The following ESRRB variants were observed in gnomAD, a reference collection of about 807,000 sequenced individuals.
ESRRB encodes the protein estrogen related receptor beta.
Under a neutral mutation model 46.0 loss-of-function variants are expected in ESRRB, and 16 were observed. The observed-to-expected ratio is 0.35, with a 90% CI of 0.24 to 0.53. ESRRB has a LOEUF of 0.53. Ranked by LOEUF, ESRRB falls within the 20% of genes least tolerant of loss-of-function variation. The pLI, the probability that ESRRB is intolerant of heterozygous loss-of-function variation, is 0.93. For missense variants in ESRRB, 488 were observed against 607.4 expected (o/e 0.80, Z 2.07); for synonymous variants, 246 against 259.6 (o/e 0.95, Z 0.50).
At position 76,339,602 on chromosome 14, in the gene ESRRB, T is replaced by C. The variant is rs1189314321; in HGVS notation, c.2+28686T>C. On this transcript the variant is annotated intron_variant, in intron 1 of 6. Coordinates refer to the ESRRB transcript ENST00000512784. ...TACAGCTGTGTGGACATGTGCGTGC[T>C]CTGCAAGGAGCCCCAGAATCCCACA... is the stretch of plus-strand genomic sequence containing the variant. 1.3e-5 allele frequency among the ~76,000 whole-genome samples: 2 copies of C among 152,152 alleles called. 1 individual carries two copies. The highest frequency in any genetic ancestry group is 2.9e-5 in the Non-Finnish European group (2 of 68,026).
chr14:76,312,998 C>T (rs1883756478), intron 1 of ESRRB, among the ~76,000 whole-genome samples: 1 of 152,192 alleles, frequency 6.6e-6, no homozygotes, highest in Non-Finnish European at 1.5e-5. Flanking sequence ...GAGAGAGTCC[C>T]GCATTCCTGA....
chr14:76,489,445 C>CCACACAGACACACACACA, intron 5 of ESRRB, among the ~76,000 whole-genome samples: 1 of 129,598 alleles, frequency 7.7e-6, no homozygotes, highest in Non-Finnish European at 1.6e-5. Context: ...ATCTGGACAA[C>CCACACAGACACACACACA]CACACACACA....
rs1457261577 is a variant in ESRRB, at chr14:76,349,301, G to C, written c.2+38385G>C. On this transcript the variant is annotated intron_variant, in intron 1 of 6. Transcript: ENST00000512784. ...CCTGGGCTCCAAAGGGTGCAAAGCG[G>C]GGATCACGAAAGGAGGCAACAAAGG... is the stretch of plus-strand genomic sequence containing the variant. Among the ~76,000 whole-genome samples, 3 of 152,302 alleles carry C rather than the reference G, an allele frequency of 2.0e-5. No homozygotes were observed. In the South Asian group the frequency reaches 6.2e-4, roughly 32 times the overall value.
chr14:76,401,719 G>A (rs1286489647), intron 1 of ESRRB, among the ~76,000 whole-genome samples: 2 of 152,180 alleles, frequency 1.3e-5, no homozygotes, highest in East Asian at 3.8e-4. Flanking sequence ...GCCTAGGGGT[G>A]TAGTAGGCTA....
intron 1 of ESRRB, among the ~76,000 whole-genome samples, chr14:76,333,157 A>T (rs868415711): frequency 0.024 from 271 of 11,108 alleles, 68 homozygotes; most frequent in African/African-American, 0.082. Context: ...TATTATATAT[A>T]ATATATATTA....
chr14:76,485,721 T>G (rs898622555), intron 5 of ESRRB, among the ~76,000 whole-genome samples: 1 of 151,624 alleles, frequency 6.6e-6, no homozygotes, highest in Non-Finnish European at 1.5e-5. Context: ...GGGCCCACCC[T>G]GGGGCCTGTG....
chr14:76,325,787 GGGGAGGTCA>G (rs1883922849), intron 1 of ESRRB, among the ~76,000 whole-genome samples: 1 of 152,214 alleles, frequency 6.6e-6, no homozygotes, highest in Admixed American at 6.5e-5. Flanking sequence ...GTGGCTGAAG[GGGGAGGTCA>G]GGGCCATGAG....
At chr14:76,395,455 C>A (rs149389287) in intron 1 of ESRRB, among the ~76,000 whole-genome samples, 2 of 152,090 alleles carry the variant, frequency 1.3e-5, no homozygotes, top group East Asian at 1.9e-4. Flanking sequence ...AATAGACAGC[C>A]CCTGTGTGGT....
At position 76,482,143 on chromosome 14, in the gene ESRRB, T is replaced by TG; in HGVS notation, c.688+17_688+18insG. 1 of 1,570,080 alleles carries TG rather than the reference T, an allele frequency of 6.4e-7. No homozygotes were observed. Among genetic ancestry groups the TG allele is most frequent in the Non-Finnish European group, 8.8e-7 (1 of 1,139,920 alleles). On this transcript the variant is annotated intron_variant, in intron 4 of 6. Transcript: ENST00000644823. The surrounding 1 kb of genome is among the most constrained non-coding windows in gnomAD (Gnocchi z 4.3). Reference sequence around the variant, plus strand: ...AAAAGCCATGTGAGTGTCAGGGCAGTCCCTGCCCCTTTTGCCAGCATCTGT... The same window carrying TG: ...AAAAGCCATGTGAGTGTCAGGGCAGTGCCCTGCCCCTTTTGCCAGCATCTGT...
Position 76,335,903 on chromosome 14 carries a change from T to A in ESRRB, c.2+24987T>A, listed in dbSNP as rs1304253271. On this transcript the variant is annotated intron_variant, in intron 1 of 6. Coordinates refer to the ESRRB transcript ENST00000512784. ...TGCTGGCGTAGTTAATATAATCTTA[T>A]GTAATTGTCACAACAACCCCAGAAT... Among the ~76,000 whole-genome samples the A allele has an allele frequency of 2.0e-5, 3 of 152,328 alleles. No homozygotes were observed. The East Asian group carries it at 5.8e-4, about 29-fold the overall frequency.
intron 1 of ESRRB, among the ~76,000 whole-genome samples, chr14:76,351,862 G>A (rs1259146556): frequency 6.6e-6 from 1 of 152,014 alleles, no homozygotes; most frequent in African/African-American, 2.4e-5. Context: ...GTTCATGCCT[G>A]TAGTCACAGC....
intron 1 of ESRRB, chr14:76,407,437 G>T: frequency 1.6e-6 from 1 of 610,458 alleles, no homozygotes; most frequent in Non-Finnish European, 2.0e-6. Context: ...AGCCTGCATC[G>T]AGCAGAGCCA....
At chr14:76,493,402 G>C (rs1409658950) in intron 6 of ESRRB, among the ~76,000 whole-genome samples, 2 of 152,066 alleles carry the variant, frequency 1.3e-5, no homozygotes, top group African/African-American at 2.4e-5. Context: ...TGATCCACCC[G>C]CCTTGGCATC....
intron 2 of ESRRB, among the ~76,000 whole-genome samples, chr14:76,448,223 G>A (rs545761263): frequency 7.9e-5 from 12 of 151,658 alleles, no homozygotes; most frequent in African/African-American, 2.9e-4. Flanking sequence ...GCAAAGGTTC[G>A]CCCATCACGC....
chr14:76,491,244 G>T (rs190908799), intron 5 of ESRRB, among the ~76,000 whole-genome samples: 46 of 152,358 alleles, frequency 3.0e-4, no homozygotes, highest in African/African-American at 1.1e-3. Flanking sequence ...TCTTTTCCGT[G>T]AATTCCAAGT....
At chr14:76,480,356 AC>A (rs1889758749) in intron 3 of ESRRB, among the ~76,000 whole-genome samples, 1 of 152,204 alleles carries the variant, frequency 6.6e-6, no homozygotes, top group African/African-American at 2.4e-5. Flanking sequence ...GGAGTCCTGA[AC>A]TGAAAACACC....
intron 1 of ESRRB, among the ~76,000 whole-genome samples, chr14:76,339,527 C>T (rs955783807): frequency 6.6e-6 from 1 of 152,218 alleles, no homozygotes; most frequent in Non-Finnish European, 1.5e-5. Flanking sequence ...ACCCACCCAG[C>T]TTTAGGCTGC....
At chr14:76,408,082 C>A (rs1204285259) in intron 1 of ESRRB, among the ~76,000 whole-genome samples, 1 of 152,168 alleles carries the variant, frequency 6.6e-6, no homozygotes, top group East Asian at 1.9e-4. Flanking sequence ...TCTCGGGGCC[C>A]TGAGTCAACA....
At chr14:76,450,649 G>A (rs1052021119) in intron 2 of ESRRB, among the ~76,000 whole-genome samples, 4 of 152,176 alleles carry the variant, frequency 2.6e-5, no homozygotes, top group African/African-American at 9.6e-5. Context: ...CCTAGGAGAG[G>A]GGAAGGGGGA....
Sources: gnomAD v4.1 joint callset for allele counts (sites outside exome capture counted in the v4.1 genomes callset) on GRCh38, gnomAD v4.1.1 for gene constraint, Gnocchi (gnomAD v3.1) non-coding constraint, MANE v1.5 for transcripts, NCBI Gene and HGNC (gene_info 2026-07-23, HGNC 2026-07-21) for gene names.